CASK: variants seen among roughly 807,000 people sequenced by gnomAD.
CASK encodes calcium/calmodulin dependent serine protein kinase.
CASK carries 4 observed loss-of-function variants against 82.9 expected under a neutral mutation model. The observed-to-expected ratio is 0.05, with a 90% CI of 0.02 to 0.11. The LOEUF is 0.11. Among genes scored for constraint, CASK ranks in the 10% least tolerant of loss-of-function variants. The probability of loss-of-function intolerance (pLI) is 1.00; values close to 1 mark genes in which losing one functional copy is unlikely to be tolerated. For synonymous variants in CASK, 259 were observed against 253.5 expected (o/e 1.02, Z -0.20); for missense variants, 358 against 720.9 (o/e 0.50, Z 5.76).
At chrX:41,574,469 T>G in intron 15 of CASK, among the ~76,000 whole-genome samples, 1 of 112,009 alleles carries the variant, frequency 8.9e-6, no homozygotes, top group Non-Finnish European at 1.9e-5. Flanking sequence ...CTGGTCCCAG[T>G]TACTCTATCT....
At chrX:41,752,049 C>T (rs2068801395) in intron 3 of CASK, among the ~76,000 whole-genome samples, 1 of 102,055 alleles carries the variant, frequency 9.8e-6, no homozygotes. Context: ...CCATCCCCAC[C>T]CACCAAAAAA....
intron 1 of CASK, among the ~76,000 whole-genome samples, chrX:41,879,631 T>C (rs1018762156): frequency 4.5e-5 from 5 of 111,515 alleles, no homozygotes; most frequent in Non-Finnish European, 1.9e-5. Flanking sequence ...TCAATTTAGC[T>C]AATGGCATTA....
intron 3 of CASK, among the ~76,000 whole-genome samples, chrX:41,781,833 G>C (rs767227152): frequency 8.9e-6 from 1 of 112,140 alleles, no homozygotes; most frequent in East Asian, 2.8e-4. Context: ...TTGTTGAGGT[G>C]AATTTACAAA....
intron 1 of CASK, among the ~76,000 whole-genome samples, chrX:41,903,078 C>T (rs1023046433): frequency 1.8e-5 from 2 of 112,124 alleles, no homozygotes; most frequent in Non-Finnish European, 3.8e-5. Context: ...GAATTGGGCT[C>T]AATGTGTCAT....
At chrX:41,831,343 G>A (rs1034014093) in intron 2 of CASK, among the ~76,000 whole-genome samples, 1 of 111,926 alleles carries the variant, frequency 8.9e-6, no homozygotes, top group Admixed American at 9.4e-5. Context: ...CAATCCAAAA[G>A]TTATTTAACT....
chrX:41,828,907 G>A (rs1440327374), intron 2 of CASK, among the ~76,000 whole-genome samples: 1 of 112,101 alleles, frequency 8.9e-6, no homozygotes, highest in African/African-American at 3.2e-5. Flanking sequence ...AGAATCTTAT[G>A]TCTGGATTAT....
At chrX:41,645,472 C>A (rs2066741831) in intron 8 of CASK, among the ~76,000 whole-genome samples, 1 of 110,961 alleles carries the variant, frequency 9.0e-6, no homozygotes, top group African/African-American at 3.3e-5. Context: ...TCTAAGTACC[C>A]ACCAGAAGAC....
At chrX:41,749,324 G>A (rs1442607952) in intron 3 of CASK, among the ~76,000 whole-genome samples, 1 of 96,887 alleles carries the variant, frequency 1.0e-5, no homozygotes, top group Non-Finnish European at 2.1e-5. Context: ...ATAAAATACT[G>A]TAGTAGCAGC....
chrX:41,570,625 C>T (rs187304915), intron 15 of CASK, among the ~76,000 whole-genome samples: 115 of 111,868 alleles, frequency 1.0e-3, no homozygotes, highest in African/African-American at 3.6e-3. Flanking sequence ...AGTTGTCGAC[C>T]AAAGGCTGAT....
intron 5 of CASK, among the ~76,000 whole-genome samples, chrX:41,694,248 A>C (rs1278948790): frequency 8.9e-6 from 1 of 112,646 alleles, no homozygotes; most frequent in African/African-American, 3.2e-5. Context: ...AAACTAAGGC[A>C]TAGAAAAGAT....
intron 12 of CASK, among the ~76,000 whole-genome samples, chrX:41,597,966 T>A (rs753892272): frequency 9.1e-6 from 1 of 110,460 alleles, no homozygotes; most frequent in East Asian, 2.8e-4. Flanking sequence ...TGTGGAAACC[T>A]CGTCTCTACA....
In CASK at chrX:41,787,550, C is replaced by CA. The variant is rs778064917; in HGVS notation, c.173-268dup. Reference sequence around the variant, plus strand: ...CATTTCTTAATACTTTCCCCAAAAGCAAAAAAAAAAAAAAAAACAAACCAC... The same window carrying CA: ...CATTTCTTAATACTTTCCCCAAAAGCAAAAAAAAAAAAAAAAAACAAACCAC... On this transcript the variant is annotated intron_variant, in intron 2 of 26. Transcript: ENST00000378163. 0.017 allele frequency among the ~76,000 whole-genome samples: 673 copies of CA among 39,454 alleles called. 1 individual carries two copies. Among genetic ancestry groups the CA allele is most frequent in the Admixed American group, 0.028 (95 of 3,337 alleles). 34.3% of individuals were successfully genotyped at this position (39,454 alleles called of 115,157 possible).
chrX:41,578,228 C>T (rs918453491), intron 15 of CASK, 112 bp downstream of exon 15: 2 of 513,579 alleles, frequency 3.9e-6, no homozygotes, highest in African/African-American at 4.7e-5. Flanking sequence ...TTCTTTAAAA[C>T]TATCCATGTC....
At chrX:41,605,538 C>T (rs1324015865) in intron 12 of CASK, among the ~76,000 whole-genome samples, 2 of 110,777 alleles carry the variant, frequency 1.8e-5, no homozygotes, top group Admixed American at 1.9e-4. Flanking sequence ...GTCAAGGCTA[C>T]AGTGAGCCAG....
At chrX:41,646,969 G>T (rs1482273527) in intron 8 of CASK, among the ~76,000 whole-genome samples, 2 of 111,550 alleles carry the variant, frequency 1.8e-5, no homozygotes, top group African/African-American at 3.3e-5. Flanking sequence ...AGATCTAAGA[G>T]ATTTGTTTTC....
At chrX:41,558,169 C>CTT (rs765865407) in intron 18 of CASK, 4 of 101,318 alleles carry the variant, frequency 3.9e-5, no homozygotes, top group East Asian at 3.0e-4. Flanking sequence ...AGAGAGCCTT[C>CTT]TTTTTTTTTT....
intron 12 of CASK, among the ~76,000 whole-genome samples, chrX:41,598,437 C>T (rs749804351): frequency 6.2e-4 from 69 of 111,259 alleles, no homozygotes; most frequent in Non-Finnish European, 9.1e-4. Flanking sequence ...CTGCAACCTC[C>T]GCCTCCTGGG....
intron 26 of CASK, 97 bp from the exon 27 acceptor site, chrX:41,520,693 T>G: frequency 2.5e-6 from 2 of 789,967 alleles, no homozygotes; most frequent in Non-Finnish European, 3.8e-6. Flanking sequence ...TTTCACATTT[T>G]TGTTCATCCC....
intron 5 of CASK, among the ~76,000 whole-genome samples, chrX:41,708,860 C>A (rs2067927160): frequency 9.0e-6 from 1 of 110,759 alleles, no homozygotes; most frequent in Non-Finnish European, 1.9e-5. Flanking sequence ...TTCTTCTTTC[C>A]AGTTTTTTTT....
Sources: allele counts gnomAD v4.1 joint callset (sites outside exome capture counted in the v4.1 genomes callset), GRCh38; gene constraint gnomAD v4.1.1; transcripts MANE v1.5; gene names NCBI Gene and HGNC (gene_info 2026-07-23, HGNC 2026-07-21).